Variants in PDZD2 observed in about 807,000 individuals in gnomAD.
PDZD2 encodes PDZ domain-containing protein 2.
Under a neutral mutation model 220.7 loss-of-function variants are expected in PDZD2, and 90 were observed. The observed-to-expected ratio is 0.41, with a 90% CI of 0.34 to 0.49. PDZD2 has a LOEUF of 0.49. Ranked by LOEUF, PDZD2 falls within the 20% of genes least tolerant of loss-of-function variation. The pLI, the probability that PDZD2 is intolerant of heterozygous loss-of-function variation, is 0.28. For synonymous variants in PDZD2, 1,375 were observed against 1,450.5 expected (o/e 0.95, Z 1.18); for missense variants, 3,174 against 3,608.5 (o/e 0.88, Z 3.08).
intron 5 of PDZD2, among the ~76,000 whole-genome samples, chr5:32,006,681 C>CTT (rs76703572): frequency 0.031 from 3,618 of 116,594 alleles, 328 homozygotes; most frequent in African/African-American, 0.14. Flanking sequence ...GGCTCAACAC[C>CTT]TTTTTTTTTT....
At chr5:31,707,307 A>AATT (rs1747874221) in intron 1 of PDZD2, among the ~76,000 whole-genome samples, 2 of 141,840 alleles carry the variant, frequency 1.4e-5, no homozygotes, top group African/African-American at 2.6e-5. Context: ...TTTAATAAAT[A>AATT]AATTAATTAA....
intron 6 of PDZD2, among the ~76,000 whole-genome samples, chr5:32,031,688 T>TA (rs1554029290): frequency 6.6e-6 from 1 of 151,860 alleles, no homozygotes; most frequent in Non-Finnish European, 1.5e-5. Flanking sequence ...CCCTGAGACC[T>TA]GGGGGGAGAA....
chr5:32,071,859 T>C (rs1740782794), intron 16 of PDZD2, among the ~76,000 whole-genome samples: 1 of 152,054 alleles, frequency 6.6e-6, no homozygotes, highest in South Asian at 2.1e-4. Context: ...TCCCATCGCA[T>C]CCCCCCAGTG....
At chr5:32,067,271 C>G (rs1270724944) in intron 14 of PDZD2, among the ~76,000 whole-genome samples, 2 of 152,134 alleles carry the variant, frequency 1.3e-5, no homozygotes, top group East Asian at 1.9e-4. Context: ...ATAGCAGCTT[C>G]TAACTTATGT....
At chr5:32,040,715 G>A (rs1195045853) in intron 7 of PDZD2, among the ~76,000 whole-genome samples, 2 of 147,438 alleles carry the variant, frequency 1.4e-5, no homozygotes, top group Non-Finnish European at 3.0e-5. Flanking sequence ...GCCCTGTCTA[G>A]GAAGTGAGAA....
chr5:31,841,676 A>G (rs2150284881), intron 2 of PDZD2, among the ~76,000 whole-genome samples: 1 of 151,726 alleles, frequency 6.6e-6, no homozygotes, highest in East Asian at 1.9e-4. Context: ...GTCTCAAAAA[A>G]AAAGAACAAT....
At position 31,924,475 on chromosome 5, in the gene PDZD2, C is replaced by T. The variant is rs188913396; in HGVS notation, c.477-58680C>T. Among the ~76,000 whole-genome samples the T allele has an allele frequency of 2.2e-4, 33 of 152,308 alleles. No homozygotes were observed. The East Asian group carries it at 5.4e-3, about 25-fold the overall frequency. On this transcript the variant is annotated intron_variant, in intron 2 of 24. Coordinates refer to ENST00000438447, the MANE Select transcript of PDZD2 (RefSeq NM_178140.4). ...TGAAGACGCACTTCTTCTGAAAAAT[C>T]GCTCCTGATTCCCCCAGCCCATGGT...
chr5:32,041,506 C>T (rs949705065), intron 7 of PDZD2, among the ~76,000 whole-genome samples: 6 of 152,164 alleles, frequency 3.9e-5, no homozygotes, highest in African/African-American at 1.4e-4. Context: ...AAAAATTCTT[C>T]TGCCTTGGGA....
At position 32,074,094 on chromosome 5, in the gene PDZD2, G is replaced by A; in HGVS notation, c.2988G>A (p.Leu996=). ...PGALPGPIRP[L]SEDDPRRVSI... ...CCCTCCCGGGTCCCATCAGGCCTCTGTCAGAGGATGACCCGAGGCGTGTCT... is the reference window on the plus strand; with the variant it reads ...CCCTCCCGGGTCCCATCAGGCCTCTATCAGAGGATGACCCGAGGCGTGTCT... Residue 996 remains leucine, a synonymous_variant, in exon 18 of 25, where the codon CTG becomes CTA. Coordinates refer to ENST00000438447, the MANE Select transcript of PDZD2 (RefSeq NM_178140.4). 2 of 1,614,244 alleles carry A rather than the reference G, an allele frequency of 1.2e-6. No individual in the cohort carries two copies. The highest frequency in any genetic ancestry group is 1.7e-6 in the Non-Finnish European group (2 of 1,180,050).
Position 32,089,378 on chromosome 5 carries a change from C to T in PDZD2, c.5930C>T (p.Thr1977Met), listed in dbSNP as rs200449834. ...CCACTGAAACCCTCAGTGTCTGACA[C>T]GAGCATCAGGACATTTGTCTCGCCC... ...SGPLKPSVSD[T>M]SIRTFVSPLT... Residue 1977 changes from threonine to methionine, a missense_variant, in exon 20 of 25, where the codon ACG becomes ATG. Physicochemically the swap from Thr to Met is moderately conservative, Grantham distance 81. This residue lies in a region of PDZD2 where 1,861 missense variants were observed against 2,001.0 expected (regional missense o/e 0.93). Transcript: ENST00000438447. The T allele has an allele frequency of 1.2e-4, 189 of 1,614,098 alleles. No individual in the cohort carries two copies. In the East Asian group the frequency reaches 1.5e-3, roughly 13 times the overall value.
intron 4 of PDZD2, among the ~76,000 whole-genome samples, chr5:31,996,765 T>C (rs1211821883): frequency 6.6e-6 from 1 of 152,100 alleles, no homozygotes; most frequent in Non-Finnish European, 1.5e-5. Flanking sequence ...TCTGTAGTCC[T>C]AGCTACTCAG....
intron 2 of PDZD2, among the ~76,000 whole-genome samples, chr5:31,971,768 A>C (rs1489933691): frequency 2.1e-4 from 1 of 4,718 alleles, no homozygotes; most frequent in Non-Finnish European, 3.8e-4. Context: ...CTCAAAACTC[A>C]GTGGCTCCCC....
intron 1 of PDZD2, among the ~76,000 whole-genome samples, chr5:31,693,516 A>T (rs1747235122): frequency 6.6e-6 from 1 of 151,780 alleles, no homozygotes; most frequent in Non-Finnish European, 1.5e-5. Flanking sequence ...CTGGGATTAT[A>T]GGCGTGAGCT....
intron 18 of PDZD2, 113 bp from the exon 19 acceptor site, chr5:32,077,349 C>T: frequency 2.0e-6 from 2 of 1,017,854 alleles, no homozygotes; most frequent in East Asian, 2.4e-5. Context: ...GCTCCTAGTC[C>T]AGGGCCCCTT....
intron 1 of PDZD2, among the ~76,000 whole-genome samples, chr5:31,707,903 C>T (rs1747902837): frequency 6.6e-6 from 1 of 152,206 alleles, no homozygotes; most frequent in Non-Finnish European, 1.5e-5. Flanking sequence ...GCTGGGATTA[C>T]AGGCATGAGC....
At chr5:31,674,636 G>A (rs963670730) in intron 1 of PDZD2, among the ~76,000 whole-genome samples, 5 of 152,168 alleles carry the variant, frequency 3.3e-5, no homozygotes, top group East Asian at 1.9e-4. Context: ...GAATTTTGTG[G>A]CTGACTGGAT....
intron 2 of PDZD2, among the ~76,000 whole-genome samples, chr5:31,810,490 C>G (rs1413421790): frequency 6.6e-6 from 1 of 152,178 alleles, no homozygotes; most frequent in East Asian, 1.9e-4. Flanking sequence ...TGGTCTGGAT[C>G]TCCTGACCTT....
At chr5:31,759,616 G>T (rs1173141975) in intron 1 of PDZD2, among the ~76,000 whole-genome samples, 1 of 149,846 alleles carries the variant, frequency 6.7e-6, no homozygotes, top group Non-Finnish European at 1.5e-5. Context: ...GCTGAGATCA[G>T]CTCACTGCAA....
rs1255255598 is a variant in PDZD2 at position 32,021,471 on chromosome 5, AT to A, written c.1407+10995del. 9.8e-4 allele frequency among the ~76,000 whole-genome samples: 149 copies of A among 151,654 alleles called. 1 individual carries two copies. Among genetic ancestry groups the A allele is most frequent in the Middle Eastern group, 3.4e-3 (1 of 292 alleles). ...GCCACCATGCCTGGGTGATTTTTGTATTTTTTAGTAGAGATGGGGTTTCACC... is the reference window on the plus strand; with the variant it reads ...GCCACCATGCCTGGGTGATTTTTGTATTTTTAGTAGAGATGGGGTTTCACC... On this transcript the variant is annotated intron_variant, in intron 6 of 24. Transcript: ENST00000438447.
Sources: allele counts gnomAD v4.1 joint callset (sites outside exome capture counted in the v4.1 genomes callset), GRCh38; gene constraint gnomAD v4.1.1; regional missense constraint gnomAD v4.1.1; transcripts MANE v1.5; gene names NCBI Gene and HGNC (gene_info 2026-07-23, HGNC 2026-07-21).